Variants in ITGAV observed in about 807,000 individuals in gnomAD.
The protein encoded by ITGAV is integrin subunit alpha V.
Under a neutral mutation model 143.8 loss-of-function variants are expected in ITGAV, and 76 were observed. That is an observed-to-expected ratio of 0.53 (90% confidence interval 0.44 to 0.64). The LOEUF (loss-of-function observed/expected upper bound fraction) is 0.64, where lower values mean the gene tolerates loss of function less well. ITGAV is among the 30% of genes least tolerant of loss of function. The pLI, the probability that ITGAV is intolerant of heterozygous loss-of-function variation, is 0.00. For missense variants in ITGAV, 1,193 were observed against 1,274.7 expected (o/e 0.94, Z 0.98); for synonymous variants, 453 against 446.7 (o/e 1.01, Z -0.18).
At chr2:186,627,707 A>C (rs1687710770) in intron 4 of ITGAV, among the ~76,000 whole-genome samples, 1 of 152,188 alleles carries the variant, frequency 6.6e-6, no homozygotes, top group Non-Finnish European at 1.5e-5. Context: ...CATCTAGTAC[A>C]GTTGTGAGAG....
chr2:186,611,780 C>T (rs1687223588), intron 2 of ITGAV, among the ~76,000 whole-genome samples: 1 of 152,084 alleles, frequency 6.6e-6, no homozygotes. Context: ...GAGGTAATGT[C>T]AGTCAGGCAT....
chr2:186,668,468 A>T (rs1688976229), intron 24 of ITGAV: 2 of 300,186 alleles, frequency 6.7e-6, no homozygotes, highest in Non-Finnish European at 1.2e-5. Flanking sequence ...TGAACTCCTG[A>T]CCTCAAGAGA....
chr2:186,640,029 C>A (rs1356935759), intron 10 of ITGAV, among the ~76,000 whole-genome samples: 2 of 152,200 alleles, frequency 1.3e-5, no homozygotes, highest in African/African-American at 4.8e-5. Flanking sequence ...GCAGGAATCT[C>A]CCTTATCATT....
At chr2:186,638,612 T>C in intron 10 of ITGAV, 147 bp downstream of exon 10, 2 of 648,096 alleles carry the variant, frequency 3.1e-6, no homozygotes, top group Non-Finnish European at 5.4e-6. Context: ...GGTCAAACTA[T>C]TATCATTTCT....
chr2:186,666,529 G>A (rs976462299), intron 21 of ITGAV, among the ~76,000 whole-genome samples, 175 bp from the exon 22 acceptor site: 8 of 152,030 alleles, frequency 5.3e-5, no homozygotes, highest in Non-Finnish European at 7.4e-5. Flanking sequence ...GATTGGTCCA[G>A]GTATATTAAG....
At chr2:186,654,972 G>A (rs1476305972) in intron 16 of ITGAV, among the ~76,000 whole-genome samples, 1 of 152,176 alleles carries the variant, frequency 6.6e-6, no homozygotes, top group East Asian at 1.9e-4. Context: ...AGTTTAAGCA[G>A]TTACGAATGT....
intron 26 of ITGAV, among the ~76,000 whole-genome samples, chr2:186,671,074 A>G (rs2105749818): frequency 6.6e-6 from 1 of 152,182 alleles, no homozygotes; most frequent in East Asian, 1.9e-4. Flanking sequence ...CAGTTTCATC[A>G]CTAACACAAC....
At chr2:186,646,585 C>A in intron 12 of ITGAV, 101 bp from the exon 13 acceptor site, 1 of 721,644 alleles carries the variant, frequency 1.4e-6, no homozygotes, top group Non-Finnish European at 2.3e-6. Context: ...TTCATCCTTG[C>A]CCTCTTCCCC....
chr2:186,677,417 A>G lies in ITGAV; in HGVS notation c.*125A>G. 1 of 667,728 alleles carries G rather than the reference A, an allele frequency of 1.5e-6. No homozygotes were observed. The highest frequency in any genetic ancestry group is 2.6e-6 in the Non-Finnish European group (1 of 379,386). The allele number at this position is 667,728 out of a possible 1,614,324, so 41.4% of individuals were successfully genotyped here. A position where few individuals can be genotyped will look rare whatever the true frequency, so the allele number is the denominator to read the frequency against. Reference sequence around the variant, plus strand: ...CTGCTGATAGTGCTAATTGGCATTAACCACAAAATGAGAATTATATTTGTC... The same window carrying G: ...CTGCTGATAGTGCTAATTGGCATTAGCCACAAAATGAGAATTATATTTGTC... On this transcript the variant is annotated 3_prime_UTR_variant, in exon 30 of 30. Transcript: ENST00000261023.
At chr2:186,595,222 G>C (rs1686715543) in intron 1 of ITGAV, among the ~76,000 whole-genome samples, 1 of 152,192 alleles carries the variant, frequency 6.6e-6, no homozygotes, top group South Asian at 2.1e-4. Flanking sequence ...CTCAGAGTCA[G>C]CTAAATATAT....
chr2:186,628,723 C>G (rs1161987700), intron 4 of ITGAV, among the ~76,000 whole-genome samples: 1 of 152,088 alleles, frequency 6.6e-6, no homozygotes, highest in African/African-American at 2.4e-5. Flanking sequence ...TGCCTAGCCA[C>G]TTTTGTTCCT....
intron 1 of ITGAV, among the ~76,000 whole-genome samples, chr2:186,593,856 C>A (rs903650802): frequency 1.3e-5 from 2 of 152,092 alleles, no homozygotes; most frequent in Non-Finnish European, 2.9e-5. Context: ...TTTATTAATT[C>A]AAATATTGAA....
chr2:186,604,010 G>T, intron 2 of ITGAV, among the ~76,000 whole-genome samples: 1 of 151,874 alleles, frequency 6.6e-6, no homozygotes, highest in Admixed American at 6.6e-5. Flanking sequence ...GACTACAGAG[G>T]TGTGCCACCA....
chr2:186,674,472 G>T (rs1028831487), intron 26 of ITGAV, among the ~76,000 whole-genome samples: 1 of 152,046 alleles, frequency 6.6e-6, no homozygotes, highest in East Asian at 1.9e-4. Context: ...TCTACAAAGA[G>T]ATAGCTTTAC....
intron 26 of ITGAV, among the ~76,000 whole-genome samples, chr2:186,671,925 T>G (rs1297989132): frequency 6.6e-6 from 1 of 151,066 alleles, no homozygotes; most frequent in East Asian, 1.9e-4. Context: ...AGATCTATGT[T>G]GTGGTGTGCC....
intron 12 of ITGAV, among the ~76,000 whole-genome samples, chr2:186,646,035 T>A (rs1165885195): frequency 6.6e-6 from 1 of 152,040 alleles, no homozygotes; most frequent in African/African-American, 2.4e-5. Flanking sequence ...CGGCAATGAC[T>A]TGTCTAGGGT....
At chr2:186,632,852 G>A (rs917528246) in intron 5 of ITGAV, among the ~76,000 whole-genome samples, 1 of 152,002 alleles carries the variant, frequency 6.6e-6, no homozygotes, top group African/African-American at 2.4e-5. Flanking sequence ...ACAAAAGTGT[G>A]TATTTTCATG....
intron 12 of ITGAV, among the ~76,000 whole-genome samples, chr2:186,645,192 G>C (rs1373218075): frequency 1.3e-5 from 2 of 152,178 alleles, no homozygotes; most frequent in Non-Finnish European, 2.9e-5. Context: ...TCGGGATAGA[G>C]AGGGTGATAG....
intron 12 of ITGAV, among the ~76,000 whole-genome samples, chr2:186,642,331 A>T (rs995238420): frequency 2.0e-5 from 3 of 152,022 alleles, no homozygotes; most frequent in Admixed American, 2.0e-4. Context: ...CCCCCTTAAA[A>T]CCTAAAGGAA....
Sources: gnomAD v4.1 joint callset for allele counts (sites outside exome capture counted in the v4.1 genomes callset) on GRCh38, gnomAD v4.1.1 for gene constraint, MANE v1.5 for transcripts, NCBI Gene and HGNC (gene_info 2026-07-23, HGNC 2026-07-21) for gene names.